Variants in CSMD1 observed in about 807,000 individuals in gnomAD.
CSMD1 encodes the protein CUB and Sushi multiple domains 1, also known as CUB and sushi domain-containing protein 1.
In CSMD1, 213 loss-of-function variants were observed where a neutral mutation model predicts 417.5. The ratio of observed to expected loss-of-function variants is 0.51; its 90% CI spans 0.46 to 0.57. The LOEUF (loss-of-function observed/expected upper bound fraction) is 0.57, where lower values mean the gene tolerates loss of function less well. Ranked by LOEUF, CSMD1 falls within the 20% of genes least tolerant of loss-of-function variation. The pLI is 0.00. For missense variants in CSMD1, 6,923 were observed against 4,529.7 expected, an observed-to-expected ratio of 1.53 and a Z score of -15.17; for synonymous variants, 2,862 against 1,736.8, an observed-to-expected ratio of 1.65 and a Z score of -16.11.
chr8:4,205,295 A>G (rs772194516), intron 3 of CSMD1, among the ~76,000 whole-genome samples: 1 of 152,204 alleles, frequency 6.6e-6, no homozygotes, highest in East Asian at 1.9e-4. Context: ...AGTTCCTTGA[A>G]AAAGATTATT....
intron 11 of CSMD1, among the ~76,000 whole-genome samples, chr8:3,470,806 G>C (rs1398287468): frequency 6.6e-6 from 1 of 152,104 alleles, no homozygotes; most frequent in Non-Finnish European, 1.5e-5. Flanking sequence ...ATTTTACTTA[G>C]CTTAATTCCT....
chr8:3,856,695 G>A (rs1191526439), intron 5 of CSMD1, among the ~76,000 whole-genome samples: 1 of 152,168 alleles, frequency 6.6e-6, no homozygotes, highest in Admixed American at 6.5e-5. Context: ...AGTGAAAGCT[G>A]GGAAGATAGG....
chr8:4,707,886 CAAAAAAAAAAAA>C (rs552510236), intron 1 of CSMD1, among the ~76,000 whole-genome samples: 8 of 100,850 alleles, frequency 7.9e-5, no homozygotes, highest in East Asian at 3.0e-4. Flanking sequence ...GACTTTGTTT[CAAAAAAAAAAAA>C]AAAAAAAAAA....
intron 5 of CSMD1, among the ~76,000 whole-genome samples, chr8:3,771,177 T>G (rs1213240704): frequency 6.6e-6 from 1 of 151,770 alleles, no homozygotes; most frequent in Non-Finnish European, 1.5e-5. Flanking sequence ...TTGGTGCACT[T>G]TGGGGAAAAA....
At chr8:3,364,870 A>G (rs62503465) in intron 20 of CSMD1, among the ~76,000 whole-genome samples, 7,107 of 152,298 alleles carry the variant, frequency 0.047, 198 homozygotes, top group Middle Eastern at 0.092. Flanking sequence ...CAAACAGACT[A>G]AGACAGTAGT....
intron 1 of CSMD1, among the ~76,000 whole-genome samples, chr8:4,847,246 A>T (rs1801196984): frequency 6.6e-6 from 1 of 152,224 alleles, no homozygotes; most frequent in Non-Finnish European, 1.5e-5. Context: ...GCGTTTGATG[A>T]TGCATTATAT....
intron 3 of CSMD1, among the ~76,000 whole-genome samples, chr8:4,158,391 G>A (rs543184330): frequency 1.3e-5 from 2 of 151,896 alleles, no homozygotes; most frequent in Non-Finnish European, 2.9e-5. Context: ...AGCCACTAGT[G>A]CGGTCATCAC....
chr8:4,521,330 A>G (rs1803432589), intron 2 of CSMD1, among the ~76,000 whole-genome samples: 1 of 152,194 alleles, frequency 6.6e-6, no homozygotes, highest in Non-Finnish European at 1.5e-5. Context: ...AAATGGGAAG[A>G]TGAGCTGGGA....
chr8:3,099,459 C>T (rs1279936364), intron 46 of CSMD1, among the ~76,000 whole-genome samples: 1 of 152,140 alleles, frequency 6.6e-6, no homozygotes, highest in African/African-American at 2.4e-5. Context: ...GTCTATTCAT[C>T]CTTCTCTAGG....
intron 10 of CSMD1, among the ~76,000 whole-genome samples, chr8:3,572,341 C>T (rs1188334989): frequency 6.6e-6 from 1 of 152,098 alleles, no homozygotes; most frequent in African/African-American, 2.4e-5. Flanking sequence ...TGAGGCTCTG[C>T]CACTGTGAAG....
rs964941749 is a variant in CSMD1 at position 3,845,268 on chromosome 8, G to A, written c.819-91226C>T. Among the ~76,000 whole-genome samples the A allele has an allele frequency of 4.6e-5, 7 of 152,170 alleles. No individual in the cohort carries two copies. The East Asian group carries it at 9.6e-4, about 21-fold the overall frequency. ...ACATAGTTTGCTGATTTGTCCTTGT[G>A]CAAATATCGTAGAGTGAACTCACAG... On this transcript the variant is annotated intron_variant, in intron 5 of 69. Coordinates refer to ENST00000635120, the MANE Select transcript of CSMD1 (RefSeq NM_033225.6).
At chr8:4,587,702 T>A (rs1799776923) in intron 2 of CSMD1, among the ~76,000 whole-genome samples, 1 of 152,138 alleles carries the variant, frequency 6.6e-6, no homozygotes, top group African/African-American at 2.4e-5. Flanking sequence ...GGTTAAGAGA[T>A]TTTCTCCACT....
intron 1 of CSMD1, among the ~76,000 whole-genome samples, chr8:4,752,926 C>G (rs1016641850): frequency 2.6e-5 from 4 of 152,154 alleles, no homozygotes; most frequent in African/African-American, 7.2e-5. Context: ...CAGGGCTTCC[C>G]AGTGGCGTGA....
At chr8:3,684,920 A>G (rs1799869926) in intron 7 of CSMD1, among the ~76,000 whole-genome samples, 1 of 152,124 alleles carries the variant, frequency 6.6e-6, no homozygotes, top group Non-Finnish European at 1.5e-5. Flanking sequence ...TGATGCCGGG[A>G]AGCACTTGGC....
intron 3 of CSMD1, among the ~76,000 whole-genome samples, chr8:4,073,964 T>C (rs556324220): frequency 5.3e-5 from 8 of 152,218 alleles, no homozygotes; most frequent in African/African-American, 1.9e-4. Context: ...TAAATCACTA[T>C]AATAAAATCT....
chr8:3,348,177 C>G lies in CSMD1; in HGVS notation c.3305-16G>C, dbSNP rs1349501360. 3.7e-6 allele frequency: 6 copies of G among 1,600,236 alleles called. No homozygotes were observed. In the African/African-American group the frequency reaches 5.4e-5, roughly 14 times the overall value. The stretch of plus-strand genomic sequence containing the variant: ...CCACATTCGGCTACAATAAATAGGA[C>G]ATGAGAGAAAGAGGATTCAAAAGTG... On this transcript the variant is annotated splice_polypyrimidine_tract_variant and intron_variant, in intron 21 of 69. Coordinates refer to ENST00000635120, the MANE Select transcript of CSMD1 (RefSeq NM_033225.6).
intron 5 of CSMD1, among the ~76,000 whole-genome samples, chr8:3,967,224 G>C (rs1053194406): frequency 6.6e-6 from 1 of 151,988 alleles, no homozygotes; most frequent in African/African-American, 2.4e-5. Flanking sequence ...CCCCACTTCA[G>C]CTATTTTCCT....
intron 65 of CSMD1, among the ~76,000 whole-genome samples, chr8:2,953,908 C>T (rs1003291445): frequency 6.6e-6 from 1 of 152,214 alleles, no homozygotes; most frequent in African/African-American, 2.4e-5. Flanking sequence ...CTTTATAAGG[C>T]TCTCCATTAT....
intron 3 of CSMD1, among the ~76,000 whole-genome samples, chr8:4,406,519 C>G (rs779026816): frequency 3.9e-5 from 6 of 152,288 alleles, no homozygotes; most frequent in African/African-American, 9.6e-5. Context: ...GTTGATATTA[C>G]TTTTCATTCT....
Sources: gnomAD v4.1 joint callset for allele counts (sites outside exome capture counted in the v4.1 genomes callset) on GRCh38, gnomAD v4.1.1 for gene constraint, MANE v1.5 for transcripts, NCBI Gene and HGNC (gene_info 2026-07-23, HGNC 2026-07-21) for gene names.